Variants in SULT1A1 observed in about 807,000 individuals in gnomAD.
The protein encoded by SULT1A1 is sulfotransferase 1A1.
A neutral mutation model predicts 36.8 loss-of-function variants in SULT1A1; 35 were observed. That is an observed-to-expected ratio of 0.95 (90% CI 0.73 to 1.26). SULT1A1 has a LOEUF of 1.26. Among genes scored for constraint, SULT1A1 ranks in the 50% most tolerant of loss-of-function variants. The pLI is 0.00. For synonymous variants in SULT1A1, 119 were observed against 146.0 expected, an observed-to-expected ratio of 0.82 and a Z score of 1.33; for missense variants, 309 against 383.0, an observed-to-expected ratio of 0.81 and a Z score of 1.61.
rs1237525318 is a variant in SULT1A1 at position 28,608,807 on chromosome 16, C to G, written c.49G>C (p.Gly17Arg). 1.9e-6 allele frequency: 3 copies of G among 1,612,012 alleles called. No individual in the cohort carries two copies. The highest frequency in any genetic ancestry group is 1.7e-6 in the Non-Finnish European group (2 of 1,179,484). ...GCAAAGTACTTGATGAGCGGGACCC[C>G]CTTCACGTACTCCAGTGGCGGGCGG... Reference protein sequence around the residue: ...TSRPPLEYVKGVPLIKYFAEA... With the variant: ...TSRPPLEYVKRVPLIKYFAEA... Residue 17 changes from glycine (G) to arginine (R), a missense_variant, in exon 2 of 8, where the codon GGG becomes CGG. Gly to Arg is a moderately radical substitution (Grantham distance 125, BLOSUM62 -2). Coordinates refer to ENST00000314752, the MANE Select transcript of SULT1A1 (RefSeq NM_001055.4).
chr16:28,610,853 T>A (rs1372127617), upstream of SULT1A1: 1 of 152,396 alleles, frequency 6.6e-6, no homozygotes, highest in Non-Finnish European at 1.5e-5. Flanking sequence ...ATCCTCACTT[T>A]AAAGTCCAAG....
intron 6 of SULT1A1, 28 bp downstream of exon 6, chr16:28,606,733 T>G: frequency 6.2e-7 from 1 of 1,610,088 alleles, no homozygotes; most frequent in Non-Finnish European, 8.5e-7. Flanking sequence ...AGGAGTCACA[T>G]GGAGGGAAGC....
At chr16:28,607,285 A>G (rs1368749405) in intron 4 of SULT1A1, 5 of 855,206 alleles carry the variant, frequency 5.8e-6, no homozygotes, top group Non-Finnish European at 8.9e-6. Flanking sequence ...ATTCTATAGT[A>G]ATATAATCTG....
rs55664460 is a variant in SULT1A1, at chr16:28,606,698, G to C, written c.594+63C>G. On this transcript the variant is annotated intron_variant, in intron 6 of 7. Transcript: ENST00000314752. ...AGGGAGGGGGCTGGGTGGCCTTGGC[G>C]GGTCCCTGTGAGGTGCCTGCCCCCA... 918 of 1,590,438 alleles carry C rather than the reference G, an allele frequency of 5.8e-4. 29 individuals carry two copies. The East Asian group carries it at 0.02, about 35-fold the overall frequency.
intron 1 of SULT1A1, 119 bp downstream of exon 1, chr16:28,609,812 C>CT: frequency 9.1e-7 from 1 of 1,098,558 alleles, no homozygotes; most frequent in Non-Finnish European, 1.2e-6. Context: ...CCAGGGTTGT[C>CT]TGAAATGGGA....
At position 28,623,131 on chromosome 16, in the gene SULT1A1, C is replaced by A. The variant is rs1316294044; in HGVS notation, c.67G>T (p.Gly23Cys). The A allele has an allele frequency of 5.9e-6, 9 of 1,538,292 alleles. No homozygotes were observed. In the Admixed American group the frequency reaches 1.6e-4, roughly 27 times the overall value. ...CCAGGTTCCCCCCCCGGCCCCTCAC[C>A]GGCGTAGAAGGCCGAGACCGCGATG... The change falls in exon 1 of 6, where the codon GGT becomes TGT. Residue 23 changes from glycine to cysteine, a missense_variant and splice_region_variant. Physicochemically the swap from Gly to Cys is radical, Grantham distance 159. Transcript: ENST00000350842.
intron 4 of SULT1A1, 168 bp downstream of exon 4, chr16:28,608,123 G>C (rs2047289581): frequency 4.0e-6 from 4 of 997,004 alleles, no homozygotes; most frequent in Middle Eastern, 3.2e-4. Context: ...GAGTAGCTGG[G>C]ATTACAGGCA....
chr16:28,617,131 T>C (rs1429499253), intron 2 of SULT1A1, among the ~76,000 whole-genome samples: 1 of 152,122 alleles, frequency 6.6e-6, no homozygotes, highest in Non-Finnish European at 1.5e-5. Flanking sequence ...TCCTCCCACC[T>C]CAGCCTCCTG....
intron 2 of SULT1A1, among the ~76,000 whole-genome samples, chr16:28,618,130 C>T (rs1441084003): frequency 1.3e-5 from 2 of 150,478 alleles, no homozygotes; most frequent in African/African-American, 4.9e-5. Flanking sequence ...GCCTTGACCT[C>T]CCAGGCTTGC....
Position 28,605,614 on chromosome 16 carries a change from T to A in SULT1A1, c.*207A>T. 1 of 861,272 alleles carries A rather than the reference T, an allele frequency of 1.2e-6. No individual in the cohort carries two copies. Among genetic ancestry groups the A allele is most frequent in the South Asian group, 1.8e-5 (1 of 55,578 alleles). The allele number at this position is 861,272 out of a possible 1,614,324, so 53.4% of individuals were successfully genotyped here. Reference sequence around the variant, plus strand: ...CTCTTTTTAAAAATTGGTTTTATTTTATTTTATTTTTTTAACAGAATCTCA... The same window carrying A: ...CTCTTTTTAAAAATTGGTTTTATTTAATTTTATTTTTTTAACAGAATCTCA... On this transcript the variant is annotated 3_prime_UTR_variant, in exon 8 of 8. Transcript: ENST00000314752.
intron 4 of SULT1A1, 39 bp from the exon 5 acceptor site, chr16:28,607,116 C>G: frequency 6.2e-7 from 1 of 1,608,916 alleles, no homozygotes; most frequent in East Asian, 2.2e-5. Context: ...ACCATCACCA[C>G]ACAGCCTGTC....
chr16:28,609,516 A>T, intron 1 of SULT1A1: 1 of 815,864 alleles, frequency 1.2e-6, no homozygotes, highest in South Asian at 1.5e-5. Context: ...ATAATCCCAG[A>T]CCCTAGGGAG....
chr16:28,623,374 A>ACGCTC, exon 1 of SULT1A1: 1 of 1,477,486 alleles, frequency 6.8e-7, no homozygotes, highest in South Asian at 1.3e-5. Context: ...GAGCTACGGC[A>ACGCTC]CGCTCGTAGA....
chr16:28,607,637 T>TA (rs71140981), intron 4 of SULT1A1: 51,368 of 143,354 alleles, frequency 0.36, 9,523 homozygotes, highest in Admixed American at 0.43. Context: ...TTTATTTATT[T>TA]TTGAGACAGA....
intron 2 of SULT1A1, among the ~76,000 whole-genome samples, chr16:28,616,670 G>A (rs1215088371): frequency 6.6e-6 from 1 of 151,882 alleles, no homozygotes; most frequent in Non-Finnish European, 1.5e-5. Flanking sequence ...GGATCCTCTC[G>A]CCTCACCCTC....
chr16:28,623,206 G>A lies in SULT1A1; in HGVS notation c.-9C>T, dbSNP rs188089401. On this transcript the variant is annotated 5_prime_UTR_variant, in exon 1 of 6. Transcript: ENST00000350842. ...AGCAACTTGGCCAGCATGGCGCGCG[G>A]CGCTCGGCCCGGGAGCGCGCGCTCC... is the stretch of plus-strand genomic sequence containing the variant. 4.0e-4 allele frequency: 618 copies of A among 1,547,008 alleles called. 4 individuals carry two copies. In the East Asian group the frequency reaches 0.012, roughly 29 times the overall value.
At chr16:28,611,619 C>T (rs1469386418), upstream of SULT1A1, 3 of 151,430 alleles carry the variant, frequency 2.0e-5, no homozygotes, top group Non-Finnish European at 2.9e-5. Flanking sequence ...CTTGAGGACC[C>T]CCACGTTCCT....
rs375616347 is a variant in SULT1A1, at chr16:28,608,517, C to G, written c.235G>C (p.Val79Leu). ...KCHRAPIFMR[V>L]PFLEFKAPGI... ...GGGGCTTTGAACTCAAGGAAGGGCA[C>G]CCGCATGAAGATGGGAGCTCGGTGA... Residue 79 changes from valine to leucine, a missense_variant, in exon 3 of 8, where the codon GTG becomes CTG. By Grantham distance (32) the Val-to-Leu change is conservative. Coordinates refer to ENST00000314752, the MANE Select transcript of SULT1A1 (RefSeq NM_001055.4). The G allele has an allele frequency of 4.1e-5, 66 of 1,612,460 alleles. No homozygotes were observed. Among genetic ancestry groups the G allele is most frequent in the Middle Eastern group, 1.7e-4 (1 of 6,052 alleles).
intron 2 of SULT1A1, among the ~76,000 whole-genome samples, chr16:28,616,761 C>T (rs538901512): frequency 6.6e-6 from 1 of 152,166 alleles, no homozygotes; most frequent in African/African-American, 2.4e-5. Context: ...CTACAATAAC[C>T]CCCCACTCTG....
Sources: allele counts gnomAD v4.1 joint callset (sites outside exome capture counted in the v4.1 genomes callset), GRCh38; gene constraint gnomAD v4.1.1; transcripts MANE v1.5; gene names NCBI Gene and HGNC (gene_info 2026-07-23, HGNC 2026-07-21).